ARHGAP44: variants seen among roughly 807,000 people sequenced by gnomAD.
The protein encoded by ARHGAP44 is rho GTPase-activating protein 44.
A neutral mutation model predicts 106.8 loss-of-function variants in ARHGAP44; 43 were observed. That is an observed-to-expected ratio of 0.40 (90% CI 0.32 to 0.52). The LOEUF (loss-of-function observed/expected upper bound fraction) is 0.52. Among genes scored for constraint, ARHGAP44 ranks in the 20% least tolerant of loss-of-function variants. The pLI, the probability that ARHGAP44 is intolerant of heterozygous loss-of-function variation, is 0.48. For synonymous variants in ARHGAP44, 439 were observed against 410.3 expected, an observed-to-expected ratio of 1.07 and a Z score of -0.85; for missense variants, 866 against 1,050.5, an observed-to-expected ratio of 0.82 and a Z score of 2.43.
intron 1 of ARHGAP44, among the ~76,000 whole-genome samples, chr17:12,826,825 C>G (rs1375491189): frequency 6.6e-6 from 1 of 152,182 alleles, no homozygotes; most frequent in Non-Finnish European, 1.5e-5. Context: ...GGGCTCATGC[C>G]AGATAACTGA....
intron 16 of ARHGAP44, among the ~76,000 whole-genome samples, chr17:12,967,625 A>T (rs951402595): frequency 4.6e-5 from 7 of 152,036 alleles, no homozygotes; most frequent in African/African-American, 1.4e-4. Flanking sequence ...CTTAGAAGTG[A>T]GCAGACAACA....
chr17:12,914,436 T>C (rs920292257), intron 4 of ARHGAP44, among the ~76,000 whole-genome samples: 1 of 152,184 alleles, frequency 6.6e-6, no homozygotes, highest in African/African-American at 2.4e-5. Context: ...TGGTGGTATA[T>C]TCAAAGAACG....
intron 18 of ARHGAP44, among the ~76,000 whole-genome samples, chr17:12,978,984 G>A (rs1180237830): frequency 6.6e-6 from 1 of 152,196 alleles, no homozygotes; most frequent in South Asian, 2.1e-4. Flanking sequence ...CACCATGCCC[G>A]GCCCAGGTTG....
At chr17:12,864,866 A>G (rs1163222890) in intron 1 of ARHGAP44, among the ~76,000 whole-genome samples, 1 of 152,196 alleles carries the variant, frequency 6.6e-6, no homozygotes, top group Non-Finnish European at 1.5e-5. Context: ...CACTGCTAAG[A>G]ACATAATCAC....
chr17:12,824,090 T>G (rs1046077914), intron 1 of ARHGAP44, among the ~76,000 whole-genome samples: 3 of 152,102 alleles, frequency 2.0e-5, no homozygotes, highest in Non-Finnish European at 2.9e-5. Context: ...CTTATTGGTC[T>G]CCAGTGCAGG....
In ARHGAP44 at chr17:12,990,557, CCTTTT is replaced by C. The variant is rs1281089419; in HGVS notation, c.*388_*392del. On this transcript the variant is annotated 3_prime_UTR_variant, in exon 21 of 21. Coordinates refer to ENST00000379672, the MANE Select transcript of ARHGAP44 (RefSeq NM_014859.6). ...GCCTGGTTAGACCCAAGGGCTGCTACCTTTTCCTTGGACGGCTCATGTCAGGTCTT... is the reference window on the plus strand; with the variant it reads ...GCCTGGTTAGACCCAAGGGCTGCTACCCTTGGACGGCTCATGTCAGGTCTT... 1 of 184,842 alleles carries C rather than the reference CCTTTT, an allele frequency of 5.4e-6. No individual in the cohort carries two copies. The highest frequency in any genetic ancestry group is 2.3e-5 in the African/African-American group (1 of 43,710). 11.5% of individuals were successfully genotyped at this position (184,842 alleles called of 1,614,324 possible). A position where few individuals can be genotyped will look rare whatever the true frequency, so the allele number is the denominator to read the frequency against.
intron 1 of ARHGAP44, among the ~76,000 whole-genome samples, chr17:12,850,432 A>T (rs545017331): frequency 3.3e-5 from 5 of 149,642 alleles, no homozygotes; most frequent in South Asian, 4.4e-4. Flanking sequence ...CTCATAAGGG[A>T]TCCTTTGCCT....
At position 12,909,750 on chromosome 17, in the gene ARHGAP44, GA is replaced by G. The variant is rs2037669132; in HGVS notation, c.275+781del. ...CCATCTAGTGGGAATTCCTGAGGAA[GA>G]AAATAGGGAGAAAGGTAAGTTTGTG... On this transcript the variant is annotated intron_variant, in intron 4 of 20. Transcript: ENST00000379672. Among the ~76,000 whole-genome samples, 5 of 152,238 alleles carry G rather than the reference GA, an allele frequency of 3.3e-5. No individual in the cohort carries two copies. In the South Asian group the frequency reaches 1.0e-3, roughly 32 times the overall value.
At chr17:12,888,397 C>G (rs1225016385) in intron 1 of ARHGAP44, among the ~76,000 whole-genome samples, 1 of 152,118 alleles carries the variant, frequency 6.6e-6, no homozygotes, top group Non-Finnish European at 1.5e-5. Context: ...AAATTTTCTT[C>G]TTATGCTGCT....
rs1555549506 is a variant in ARHGAP44, at chr17:12,870,066, T to TTTG, written c.54-24874_54-24873insTTG. 6.8e-4 allele frequency among the ~76,000 whole-genome samples: 98 copies of TTTG among 144,034 alleles called. 2 individuals carry two copies. The highest frequency in any genetic ancestry group is 9.8e-4 in the Non-Finnish European group (64 of 65,540). The allele number at this position is 144,034 out of a possible 152,430, so 94.5% of individuals were successfully genotyped here. Reference sequence around the variant, plus strand: ...ATACCGTCTTTTTTTTTTTTTTTTTTGAGATAGAGTCTTGCTCTGTCACTC... The same window carrying TTTG: ...ATACCGTCTTTTTTTTTTTTTTTTTTTTGGAGATAGAGTCTTGCTCTGTCACTC... On this transcript the variant is annotated intron_variant, in intron 1 of 20. Transcript: ENST00000379672.
At chr17:12,884,926 A>G (rs2036840367) in intron 1 of ARHGAP44, among the ~76,000 whole-genome samples, 1 of 151,318 alleles carries the variant, frequency 6.6e-6, no homozygotes, top group African/African-American at 2.5e-5. Context: ...TTTGAGATGG[A>G]GTCTCGCTGT....
At chr17:12,899,703 GT>G (rs1373925712) in intron 3 of ARHGAP44, among the ~76,000 whole-genome samples, 7 of 152,248 alleles carry the variant, frequency 4.6e-5, no homozygotes, top group African/African-American at 1.7e-4. Flanking sequence ...ACACGGGAGT[GT>G]GGGTCATAGA....
chr17:12,884,168 A>T (rs1050652049), intron 1 of ARHGAP44, among the ~76,000 whole-genome samples: 2 of 152,054 alleles, frequency 1.3e-5, no homozygotes, highest in Non-Finnish European at 2.9e-5. Flanking sequence ...TTTTATTATT[A>T]GCACAGAGCT....
At chr17:12,944,420 C>T (rs139259881) in intron 10 of ARHGAP44, among the ~76,000 whole-genome samples, 193 of 152,080 alleles carry the variant, frequency 1.3e-3, no homozygotes, top group Non-Finnish European at 2.4e-3. Flanking sequence ...CCATGAGGAA[C>T]GGATGGCCAT....
At chr17:12,815,851 A>G (rs2034583073) in intron 1 of ARHGAP44, among the ~76,000 whole-genome samples, 1 of 152,210 alleles carries the variant, frequency 6.6e-6, no homozygotes, top group Non-Finnish European at 1.5e-5. Context: ...GGCAGTCTGT[A>G]GGAAGAGAAC....
intron 4 of ARHGAP44, among the ~76,000 whole-genome samples, chr17:12,912,317 T>C (rs980020432): frequency 1.5e-5 from 1 of 67,068 alleles, no homozygotes; most frequent in Non-Finnish European, 2.9e-5. Context: ...TATGAAATTC[T>C]CAGGAGGTTG....
intron 1 of ARHGAP44, among the ~76,000 whole-genome samples, chr17:12,793,514 C>T (rs1361121384): frequency 6.6e-6 from 1 of 152,128 alleles, no homozygotes; most frequent in East Asian, 1.9e-4. Context: ...TCGAGACCAG[C>T]CTGGCCAACA....
At chr17:12,803,430 T>G (rs542430199) in intron 1 of ARHGAP44, among the ~76,000 whole-genome samples, 1 of 152,238 alleles carries the variant, frequency 6.6e-6, no homozygotes, top group Admixed American at 6.5e-5. Context: ...TTTTTATCTC[T>G]TACCTATCCA....
intron 1 of ARHGAP44, among the ~76,000 whole-genome samples, chr17:12,797,688 G>A (rs556238804): frequency 6.6e-6 from 1 of 152,142 alleles, no homozygotes; most frequent in African/African-American, 2.4e-5. Flanking sequence ...CCTCCAAATT[G>A]CTCCATTATG....
Sources: allele counts gnomAD v4.1 joint callset (sites outside exome capture counted in the v4.1 genomes callset), GRCh38; gene constraint gnomAD v4.1.1; transcripts MANE v1.5; gene names NCBI Gene and HGNC (gene_info 2026-07-23, HGNC 2026-07-21).